Variants in YJU2B observed in about 807,000 individuals in gnomAD.
YJU2B encodes the protein probable splicing factor YJU2B.
Under a neutral mutation model 38.0 loss-of-function variants are expected in YJU2B, and 18 were observed. The ratio of observed to expected loss-of-function variants is 0.47; its 90% CI spans 0.33 to 0.70. The LOEUF (loss-of-function observed/expected upper bound fraction) is 0.70. Ranked by LOEUF, YJU2B falls within the 30% of genes least tolerant of loss-of-function variation. The probability of loss-of-function intolerance (pLI) is 0.02; values close to 1 mark genes in which losing one functional copy is unlikely to be tolerated. For synonymous variants in YJU2B, 246 were observed against 225.4 expected, an observed-to-expected ratio of 1.09 and a Z score of -0.82; for missense variants, 538 against 556.3, an observed-to-expected ratio of 0.97 and a Z score of 0.33.
At chr19:13,762,041 TTTAA>T (rs1339340240) in intron 8 of YJU2B, among the ~76,000 whole-genome samples, 3 of 152,108 alleles carry the variant, frequency 2.0e-5, no homozygotes, top group South Asian at 4.2e-4. Flanking sequence ...AAATAAATGT[TTTAA>T]TTAGCTGGGC....
At chr19:13,745,734 T>G (rs1302371929), upstream of YJU2B, among the ~76,000 whole-genome samples, 10 of 113,846 alleles carry the variant, frequency 8.8e-5, no homozygotes, top group South Asian at 5.7e-4. Flanking sequence ...TATCTATATA[T>G]ATATATATAG....
At chr19:13,739,803 A>G (rs941357410) in intron 2 of YJU2B, among the ~76,000 whole-genome samples, 27 of 152,118 alleles carry the variant, frequency 1.8e-4, no homozygotes, top group African/African-American at 5.8e-4. Context: ...ACAGCTATAT[A>G]TGTGCTGTGG....
intron 5 of YJU2B, 111 bp from the exon 6 acceptor site, chr19:13,757,675 C>T: frequency 8.2e-7 from 1 of 1,216,368 alleles, no homozygotes; most frequent in South Asian, 1.2e-5. Flanking sequence ...CTAACTCCTC[C>T]TAGTTGGGGA....
chr19:13,762,968 C>G lies in YJU2B; in HGVS notation c.1091C>G (p.Ala364Gly), dbSNP rs757671150. 2 of 1,611,516 alleles carry G rather than the reference C, an allele frequency of 1.2e-6. No individual in the cohort carries two copies. Among genetic ancestry groups the G allele is most frequent in the Admixed American group, 3.3e-5 (2 of 59,864 alleles). The change falls in exon 10 of 10, where the codon GCA (alanine) becomes GGA (glycine). Residue 364 changes from alanine (A) to glycine (G), a missense_variant. Physicochemically the swap from Ala to Gly is moderately conservative, Grantham distance 60. Transcript: ENST00000221554. ...CGTCAGGACAAGCCCCTGTCGCCAG[C>G]AGGCTCCTCCCAGGAGGCAGCTGAC... ...GSRQDKPLSP[A>G]GSSQEAADTP...
rs61619895 is a variant in YJU2B, at chr19:13,737,026, C to CAAA, written c.-202+4755_-202+4757dup. Among the ~76,000 whole-genome samples the CAAA allele has an allele frequency of 4.8e-4, 57 of 117,990 alleles. 4 individuals carry two copies. Among genetic ancestry groups the CAAA allele is most frequent in the African/African-American group, 1.2e-3 (38 of 31,466 alleles). The allele number at this position is 117,990 out of a possible 152,430, so 77.4% of individuals were successfully genotyped here. A position where few individuals can be genotyped will look rare whatever the true frequency, so the allele number is the denominator to read the frequency against. On this transcript the variant is annotated intron_variant, in intron 2 of 10. Coordinates refer to the YJU2B transcript ENST00000586600. Reference sequence around the variant, plus strand: ...TGAGCAACACAGCAAGACTCATTCTCAAAAAAAAAAAAAAAAGAAAAAAGA... The same window carrying CAAA: ...TGAGCAACACAGCAAGACTCATTCTCAAAAAAAAAAAAAAAAAAAGAAAAAAGA...
At chr19:13,739,650 C>A (rs1292458274) in intron 2 of YJU2B, among the ~76,000 whole-genome samples, 1 of 152,196 alleles carries the variant, frequency 6.6e-6, no homozygotes, top group Non-Finnish European at 1.5e-5. Flanking sequence ...GCTCCTTCTC[C>A]TCTCTAGGAA....
At position 13,756,279 on chromosome 19, in the gene YJU2B, G is replaced by T. The variant is rs750728725; in HGVS notation, c.140G>T (p.Arg47Leu). ...RKLSQGILII[R>L]FEMPYNIWCD... The stretch of plus-strand genomic sequence containing the variant: ...CTGTCACAGGGCATCCTCATCATCC[G>T]GTAAGGCCCAGCATCACCTGAGGAC... Residue 47 changes from arginine to leucine, a missense_variant and splice_region_variant, in exon 4 of 10, where the codon CGA becomes CTA. Around this residue, in one of 2 missense-constraint regions of YJU2B, gnomAD observed 50 missense variants for 86.9 expected, o/e 0.58. Coordinates refer to ENST00000221554, the MANE Select transcript of YJU2B (RefSeq NM_030818.4). 3 of 1,613,454 alleles carry T rather than the reference G, an allele frequency of 1.9e-6. No homozygotes were observed. In the Admixed American group the frequency reaches 5.0e-5, roughly 27 times the overall value.
intron 1 of YJU2B, 67 bp from the exon 2 acceptor site, chr19:13,751,541 G>A: frequency 2.0e-6 from 1 of 490,604 alleles, no homozygotes. Flanking sequence ...GCCACAGAGG[G>A]ATGAAAGTGT....
intron 2 of YJU2B, among the ~76,000 whole-genome samples, chr19:13,742,190 G>GA (rs2145095846): frequency 1.3e-5 from 2 of 151,116 alleles, no homozygotes; most frequent in South Asian, 4.2e-4. Flanking sequence ...CAGTTCCCCT[G>GA]AACATCATTC....
chr19:13,759,361 A>G (rs1240397241), intron 8 of YJU2B, 89 bp downstream of exon 8: 3 of 1,085,114 alleles, frequency 2.8e-6, no homozygotes, highest in East Asian at 2.6e-5. Flanking sequence ...CCTAGCTTTG[A>G]GCAGGCCACT....
upstream of YJU2B, among the ~76,000 whole-genome samples, chr19:13,746,543 C>T (rs1973255504): frequency 6.6e-6 from 1 of 152,144 alleles, no homozygotes; most frequent in Admixed American, 6.6e-5. Flanking sequence ...GACATGTAAA[C>T]AGACAGGGCA....
chr19:13,763,191 C>T lies in YJU2B; in HGVS notation c.*123C>T. 1 of 740,322 alleles carries T rather than the reference C, an allele frequency of 1.4e-6. No homozygotes were observed. The highest frequency in any genetic ancestry group is 2.1e-6 in the Non-Finnish European group (1 of 467,264). The allele number at this position is 740,322 out of a possible 1,614,324, so 45.9% of individuals were successfully genotyped here. A position where few individuals can be genotyped will look rare whatever the true frequency, so the allele number is the denominator to read the frequency against. ...GGGAGAGCTCAGATGCCGCATCCTC[C>T]CCAGACCGCGCCTTCCTGCAACCGT... On this transcript the variant is annotated 3_prime_UTR_variant, in exon 10 of 10. Transcript: ENST00000221554.
intron 2 of YJU2B, among the ~76,000 whole-genome samples, chr19:13,735,272 G>A (rs1020130171): frequency 2.0e-5 from 3 of 152,110 alleles, no homozygotes; most frequent in Non-Finnish European, 4.4e-5. Flanking sequence ...CCGAGATTGC[G>A]CCACCGCACT....
chr19:13,734,833 C>T (rs1972904149), intron 2 of YJU2B, among the ~76,000 whole-genome samples: 1 of 151,640 alleles, frequency 6.6e-6, no homozygotes, highest in Non-Finnish European at 1.5e-5. Context: ...TCTCAAACTC[C>T]CTGGGGCTCA....
intron 4 of YJU2B, among the ~76,000 whole-genome samples, chr19:13,757,152 G>A (rs529689418): frequency 6.6e-6 from 1 of 151,828 alleles, no homozygotes; most frequent in South Asian, 2.1e-4. Context: ...AAAAAAAAAA[G>A]TCGCAGCAGC....
rs868682231 is a variant in YJU2B at position 13,762,198 on chromosome 19, G to C, written c.574-101G>C. 64 of 1,358,890 alleles carry C rather than the reference G, an allele frequency of 4.7e-5. No individual in the cohort carries two copies. In the Middle Eastern group the frequency reaches 1.0e-3, roughly 22 times the overall value. 84.2% of individuals were successfully genotyped at this position (1,358,890 alleles called of 1,614,324 possible). On this transcript the variant is annotated intron_variant, in intron 8 of 9. Transcript: ENST00000221554. ...CGACAGAATGAAACTGTCTCAAAAA[G>C]AGTAAATGAGACCCCGAGAGTTGGA...
chr19:13,750,747 A>G (rs1383761242), intron 1 of YJU2B, among the ~76,000 whole-genome samples: 1 of 151,350 alleles, frequency 6.6e-6, no homozygotes, highest in Non-Finnish European at 1.5e-5. Context: ...CTGTAATCCC[A>G]GCTACTCAGG....
At position 13,763,113 on chromosome 19, in the gene YJU2B, A is replaced by T; in HGVS notation, c.*45A>T. On this transcript the variant is annotated 3_prime_UTR_variant, in exon 10 of 10. Coordinates refer to ENST00000221554, the MANE Select transcript of YJU2B (RefSeq NM_030818.4). The stretch of plus-strand genomic sequence containing the variant: ...CTGGACCCGCTCTAGAGGCCCGGAC[A>T]CACCCAGGAGGCCCCTCACAGACTG... 6.8e-7 allele frequency: 1 copy of T among 1,477,092 alleles called. No individual in the cohort carries two copies. Among genetic ancestry groups the T allele is most frequent in the African/African-American group, 1.4e-5 (1 of 71,000 alleles). The allele number at this position is 1,477,092 out of a possible 1,614,324, so 91.5% of individuals were successfully genotyped here.
upstream of YJU2B, among the ~76,000 whole-genome samples, chr19:13,746,103 T>C (rs1009310288): frequency 6.6e-6 from 1 of 151,690 alleles, no homozygotes; most frequent in African/African-American, 2.4e-5. Context: ...AATACAAATA[T>C]TAGCCAGGCA....
Sources: gnomAD v4.1 joint callset for allele counts (sites outside exome capture counted in the v4.1 genomes callset) on GRCh38, gnomAD v4.1.1 for gene constraint, gnomAD v4.1.1 regional missense constraint, MANE v1.5 for transcripts, NCBI Gene and HGNC (gene_info 2026-07-23, HGNC 2026-07-21) for gene names.